CCSER1: variants seen among roughly 807,000 people sequenced by gnomAD.
CCSER1 encodes serine-rich coiled-coil domain-containing protein 1.
A neutral mutation model predicts 82.0 loss-of-function variants in CCSER1; 41 were observed. The observed-to-expected ratio is 0.50, with a 90% confidence interval of 0.39 to 0.65. The LOEUF (loss-of-function observed/expected upper bound fraction) is 0.65. Ranked by LOEUF, CCSER1 falls within the 30% of genes least tolerant of loss-of-function variation. The pLI is 0.00. For missense variants in CCSER1, 1,119 were observed against 1,064.2 expected, an observed-to-expected ratio of 1.05 and a Z score of -0.72; for synonymous variants, 414 against 383.9, an observed-to-expected ratio of 1.08 and a Z score of -0.92.
chr4:90,351,281 T>C (rs559342382), intron 3 of CCSER1, among the ~76,000 whole-genome samples: 1 of 152,280 alleles, frequency 6.6e-6, no homozygotes, highest in South Asian at 2.1e-4. Context: ...CGGGCAAAGA[T>C]ACCTTGTCCA....
At chr4:90,443,975 A>G (rs1479848487) in intron 4 of CCSER1, among the ~76,000 whole-genome samples, 2 of 152,074 alleles carry the variant, frequency 1.3e-5, no homozygotes, top group Non-Finnish European at 2.9e-5. Context: ...TAGAGTATGC[A>G]TGCTGGTAAT....
intron 10 of CCSER1, among the ~76,000 whole-genome samples, chr4:91,383,723 G>A (rs1261781006): frequency 6.6e-6 from 1 of 151,960 alleles, no homozygotes; most frequent in Admixed American, 6.6e-5. Context: ...CACTTTATTT[G>A]TTTCTTATTG....
intron 1 of CCSER1, among the ~76,000 whole-genome samples, chr4:90,231,796 A>G (rs1744611705): frequency 1.3e-5 from 2 of 151,708 alleles, no homozygotes; most frequent in African/African-American, 4.8e-5. Flanking sequence ...AAATCAATGT[A>G]CAAAAATCAC....
intron 10 of CCSER1, among the ~76,000 whole-genome samples, chr4:91,459,879 T>C (rs1677830607): frequency 6.6e-6 from 1 of 152,156 alleles, no homozygotes; most frequent in African/African-American, 2.4e-5. Flanking sequence ...CTGAATATAA[T>C]AACTTTCCTA....
chr4:91,434,536 C>T (rs1754529974), intron 10 of CCSER1, among the ~76,000 whole-genome samples: 1 of 151,806 alleles, frequency 6.6e-6, no homozygotes, highest in South Asian at 2.1e-4. Context: ...GTAAGCTTAC[C>T]AATTCAATAT....
intron 6 of CCSER1, among the ~76,000 whole-genome samples, chr4:90,630,984 C>T (rs1447409329): frequency 6.6e-6 from 1 of 151,584 alleles, no homozygotes; most frequent in African/African-American, 2.4e-5. Context: ...AGCTCCGCCT[C>T]CCGGGTTCAC....
chr4:90,370,464 A>G (rs1747196586), intron 3 of CCSER1: 1 of 152,028 alleles, frequency 6.6e-6, no homozygotes, highest in African/African-American at 2.4e-5. Context: ...TTATATTGTA[A>G]TCTTGAATTT....
At chr4:91,147,916 ACTT>A (rs1729709303) in intron 10 of CCSER1, among the ~76,000 whole-genome samples, 1 of 152,168 alleles carries the variant, frequency 6.6e-6, no homozygotes, top group Admixed American at 6.5e-5. Context: ...CTCACATACA[ACTT>A]CTTCATTTCT....
chr4:90,300,317 A>G (rs923323123), intron 1 of CCSER1, among the ~76,000 whole-genome samples: 9 of 152,138 alleles, frequency 5.9e-5, no homozygotes, highest in African/African-American at 2.2e-4. Context: ...TCTAAGAGCT[A>G]CACCACCATG....
chr4:91,120,554 C>A (rs1465931186), intron 10 of CCSER1, among the ~76,000 whole-genome samples: 1 of 151,864 alleles, frequency 6.6e-6, no homozygotes, highest in Non-Finnish European at 1.5e-5. Flanking sequence ...TGGGATGATA[C>A]TTTAGCTTTA....
rs1758837220 is a variant in CCSER1, at chr4:91,496,613, TACAC to T, written c.2218-101958_2218-101955del. Among the ~76,000 whole-genome samples the T allele has an allele frequency of 7.9e-5, 2 of 25,176 alleles. 1 individual carries two copies. Among genetic ancestry groups the T allele is most frequent in the Non-Finnish European group, 1.8e-4 (2 of 11,252 alleles). 16.5% of individuals were successfully genotyped at this position (25,176 alleles called of 152,430 possible). A position where few individuals can be genotyped will look rare whatever the true frequency, so the allele number is the denominator to read the frequency against. ...ACGAATATATATTTGAATATATATA[TACAC>T]GAATATATATTTGAATATATATATA... On this transcript the variant is annotated intron_variant, in intron 10 of 10. Coordinates refer to ENST00000509176, the MANE Select transcript of CCSER1 (RefSeq NM_001145065.2).
At chr4:90,773,989 A>C (rs986345764) in intron 7 of CCSER1, among the ~76,000 whole-genome samples, 5 of 152,136 alleles carry the variant, frequency 3.3e-5, no homozygotes, top group Non-Finnish European at 5.9e-5. Flanking sequence ...TAAACACTAC[A>C]TAAGATACGA....
At chr4:90,463,522 T>G (rs185819131) in intron 4 of CCSER1, among the ~76,000 whole-genome samples, 1 of 152,198 alleles carries the variant, frequency 6.6e-6, no homozygotes, top group Non-Finnish European at 1.5e-5. Context: ...TATCTTGTCA[T>G]TTAAATGTTT....
chr4:91,558,133 C>A, intron 10 of CCSER1, among the ~76,000 whole-genome samples: 1 of 150,510 alleles, frequency 6.6e-6, no homozygotes, highest in East Asian at 1.9e-4. Flanking sequence ...ATTTTTGAAG[C>A]CTGGTATTGA....
intron 9 of CCSER1, among the ~76,000 whole-genome samples, chr4:91,005,676 G>C (rs1738442291): frequency 6.6e-6 from 1 of 152,140 alleles, no homozygotes; most frequent in Admixed American, 6.5e-5. Context: ...AAACTCTATA[G>C]CCATTGCTTG....
chr4:90,440,591 G>A (rs1001606508), intron 4 of CCSER1, among the ~76,000 whole-genome samples: 3 of 152,204 alleles, frequency 2.0e-5, no homozygotes, highest in African/African-American at 4.8e-5. Flanking sequence ...AAATGTTCTT[G>A]CAGAATTATT....
intron 9 of CCSER1, among the ~76,000 whole-genome samples, chr4:90,958,938 G>C (rs1733789930): frequency 6.6e-6 from 1 of 152,082 alleles, no homozygotes; most frequent in African/African-American, 2.4e-5. Context: ...TTTTCAAAAA[G>C]TTAAAAACAG....
Position 90,309,015 on chromosome 4 carries a change from C to A in CCSER1, c.731C>A (p.Ser244Tyr), listed in dbSNP as rs753386770. 6 of 1,613,810 alleles carry A rather than the reference C, an allele frequency of 3.7e-6. No homozygotes were observed. Among genetic ancestry groups the A allele is most frequent in the Non-Finnish European group, 5.1e-6 (6 of 1,179,850 alleles). Reference protein sequence around the residue: ...VTERAGSSLQSPLLSADLTTA... With the variant: ...VTERAGSSLQYPLLSADLTTA... ...GAACGGGCAGGAAGCTCTTTACAAT[C>A]TCCTTTGCTTTCTGCTGATCTTACC... is the stretch of plus-strand genomic sequence containing the variant. The change falls in exon 2 of 11, where the codon TCT (serine) becomes TAT (tyrosine). Residue 244 changes from serine to tyrosine, a missense_variant. Physicochemically the swap from Ser to Tyr is moderately radical, Grantham distance 144. Transcript: ENST00000509176.
intron 3 of CCSER1, among the ~76,000 whole-genome samples, chr4:90,369,084 A>C (rs1244194424): frequency 6.6e-6 from 1 of 151,946 alleles, no homozygotes; most frequent in African/African-American, 2.4e-5. Context: ...ATATCTGTGG[A>C]ATTAATAAAT....
Sources: allele counts gnomAD v4.1 joint callset (sites outside exome capture counted in the v4.1 genomes callset), GRCh38; gene constraint gnomAD v4.1.1; transcripts MANE v1.5; gene names NCBI Gene and HGNC (gene_info 2026-07-23, HGNC 2026-07-21).